The following BMP6 variants were observed in gnomAD, a reference collection of about 807,000 sequenced individuals.
BMP6 encodes the protein bone morphogenetic protein 6, also known as VG-1-R.
A neutral mutation model predicts 54.1 loss-of-function variants in BMP6; 17 were observed. The ratio of observed to expected loss-of-function variants is 0.31; its 90% CI spans 0.22 to 0.47. The LOEUF is 0.47. Among genes scored for constraint, BMP6 ranks in the 20% least tolerant of loss-of-function variants. The pLI, the probability that BMP6 is intolerant of heterozygous loss-of-function variation, is 1.00. For missense variants in BMP6, 720 were observed against 690.4 expected (o/e 1.04, Z -0.48); for synonymous variants, 328 against 291.2 (o/e 1.13, Z -1.28).
intron 1 of BMP6, among the ~76,000 whole-genome samples, chr6:7,728,179 AG>A (rs1478197999): frequency 3.3e-5 from 5 of 151,762 alleles, no homozygotes; most frequent in Non-Finnish European, 7.4e-5. Context: ...GAGGTTGCAG[AG>A]GGAAGTCCCA....
At chr6:7,825,829 C>T (rs1006696908) in intron 1 of BMP6, among the ~76,000 whole-genome samples, 3 of 152,260 alleles carry the variant, frequency 2.0e-5, no homozygotes, top group Non-Finnish European at 2.9e-5. Flanking sequence ...ACCACATGGG[C>T]GTCAGCAACT....
At chr6:7,794,067 G>A (rs767092731) in intron 1 of BMP6, among the ~76,000 whole-genome samples, 21 of 152,186 alleles carry the variant, frequency 1.4e-4, no homozygotes, top group Non-Finnish European at 2.9e-4. Context: ...GGTAAGGCTC[G>A]TACTCAGAGG....
intron 1 of BMP6, among the ~76,000 whole-genome samples, chr6:7,771,987 G>A (rs577838439): frequency 2.6e-5 from 4 of 151,524 alleles, no homozygotes; most frequent in Non-Finnish European, 4.4e-5. Flanking sequence ...CTGGGAGGTG[G>A]AGGTTGCAGT....
At chr6:7,775,049 A>G (rs369777257) in intron 1 of BMP6, among the ~76,000 whole-genome samples, 11 of 152,196 alleles carry the variant, frequency 7.2e-5, no homozygotes, top group African/African-American at 2.7e-4. Flanking sequence ...ACCTACTCCC[A>G]CAATAATGGC....
intron 1 of BMP6, among the ~76,000 whole-genome samples, chr6:7,824,115 T>TG (rs556073283): frequency 3.3e-5 from 5 of 152,204 alleles, no homozygotes; most frequent in Admixed American, 3.3e-4. Context: ...GTGAGCAGAT[T>TG]GGGTACTGAT....
At chr6:7,848,664 A>G (rs187460854) in intron 2 of BMP6, among the ~76,000 whole-genome samples, 4 of 152,328 alleles carry the variant, frequency 2.6e-5, no homozygotes, top group African/African-American at 9.6e-5. Context: ...TTTTCAGTGC[A>G]TTGGCTTTTC....
At chr6:7,866,268 C>A (rs1204829824) in intron 4 of BMP6, among the ~76,000 whole-genome samples, 2 of 152,212 alleles carry the variant, frequency 1.3e-5, no homozygotes, top group Non-Finnish European at 2.9e-5. Flanking sequence ...TAGTCCTGGT[C>A]CTAGCCGTCT....
chr6:7,781,227 G>T (rs186554193), intron 1 of BMP6, among the ~76,000 whole-genome samples: 1 of 152,074 alleles, frequency 6.6e-6, no homozygotes, highest in Non-Finnish European at 1.5e-5. Flanking sequence ...AAGTAGTATC[G>T]TTACTTTTAT....
chr6:7,805,141 A>T (rs1343193930), intron 1 of BMP6, among the ~76,000 whole-genome samples: 1 of 152,202 alleles, frequency 6.6e-6, no homozygotes, highest in Non-Finnish European at 1.5e-5. Context: ...TAGTCTACAG[A>T]TTCTATTAGA....
chr6:7,838,385 A>G (rs267187), intron 1 of BMP6, among the ~76,000 whole-genome samples: 62,864 of 151,920 alleles, frequency 0.41, 13,667 homozygotes, highest in East Asian at 0.78. Context: ...AAAATTGTAT[A>G]ACTTGAAACC....
At chr6:7,871,441 G>A (rs1468429145) in intron 4 of BMP6, among the ~76,000 whole-genome samples, 3 of 152,230 alleles carry the variant, frequency 2.0e-5, no homozygotes, top group Non-Finnish European at 4.4e-5. Context: ...GCTTATGGAA[G>A]GAATTCGTCC....
At chr6:7,821,016 C>T (rs34538132) in intron 1 of BMP6, among the ~76,000 whole-genome samples, 20,312 of 152,274 alleles carry the variant, frequency 0.13, 1,675 homozygotes, top group African/African-American at 0.23. Flanking sequence ...TTCTGCTGTG[C>T]GGCCCAATCC....
At chr6:7,786,306 T>A (rs968279540) in intron 1 of BMP6, among the ~76,000 whole-genome samples, 1 of 152,184 alleles carries the variant, frequency 6.6e-6, no homozygotes, top group Non-Finnish European at 1.5e-5. Flanking sequence ...TGGAGAGGAC[T>A]GACTGCCTGT....
intron 1 of BMP6, among the ~76,000 whole-genome samples, chr6:7,804,253 G>A (rs947892605): frequency 2.6e-5 from 4 of 151,966 alleles, no homozygotes; most frequent in Non-Finnish European, 4.4e-5. Context: ...CAAAGCCATC[G>A]GGTAGGAAAT....
At chr6:7,769,560 C>T (rs959585645) in intron 1 of BMP6, among the ~76,000 whole-genome samples, 1 of 152,132 alleles carries the variant, frequency 6.6e-6, no homozygotes, top group Non-Finnish European at 1.5e-5. Context: ...ATTTTCTGGC[C>T]TTTGAATTTA....
intron 2 of BMP6, among the ~76,000 whole-genome samples, chr6:7,847,162 A>G (rs902554367): frequency 6.6e-6 from 1 of 152,192 alleles, no homozygotes; most frequent in African/African-American, 2.4e-5. Flanking sequence ...TTGGAAAATA[A>G]AATCCTGAAT....
In BMP6 at chr6:7,727,522, C is replaced by T. The variant is rs533077681; in HGVS notation, c.567C>T (p.Ala189=). 24 of 1,596,094 alleles carry T rather than the reference C, an allele frequency of 1.5e-5. No individual in the cohort carries two copies. The East Asian group carries it at 4.7e-4, about 31-fold the overall frequency. ...AHPLNRKSLL[A]PGSGSGGASP... ...CGCTCAACCGCAAGAGCCTTCTGGC[C>T]CCCGGATCTGGCAGCGGCGGCGCGT... is the stretch of plus-strand genomic sequence containing the variant. Residue 189 remains alanine, a synonymous_variant, in exon 1 of 7, where the codon GCC becomes GCT. Coordinates refer to ENST00000283147, the MANE Select transcript of BMP6 (RefSeq NM_001718.6).
chr6:7,808,156 G>A (rs1241260867), intron 1 of BMP6, among the ~76,000 whole-genome samples: 2 of 152,082 alleles, frequency 1.3e-5, no homozygotes, highest in African/African-American at 2.4e-5. Context: ...TCCTGACCTT[G>A]TGATCTGCCC....
intron 1 of BMP6, among the ~76,000 whole-genome samples, chr6:7,842,796 G>A (rs2113251570): frequency 6.6e-6 from 1 of 152,234 alleles, no homozygotes; most frequent in East Asian, 1.9e-4. Flanking sequence ...CCTTATAACT[G>A]AAATATCTTA....
Sources: gnomAD v4.1 joint callset for allele counts (sites outside exome capture counted in the v4.1 genomes callset) on GRCh38, gnomAD v4.1.1 for gene constraint, MANE v1.5 for transcripts, NCBI Gene and HGNC (gene_info 2026-07-23, HGNC 2026-07-21) for gene names.